GABRG3: variants seen among roughly 807,000 people sequenced by gnomAD.
GABRG3 encodes the protein gamma-aminobutyric acid receptor subunit gamma-3.
A neutral mutation model predicts 48.8 loss-of-function variants in GABRG3; 25 were observed. The ratio of observed to expected loss-of-function variants is 0.51; its 90% confidence interval spans 0.37 to 0.72. The LOEUF (loss-of-function observed/expected upper bound fraction) is 0.72, where lower values mean the gene tolerates loss of function less well. Ranked by LOEUF, GABRG3 falls within the 30% of genes least tolerant of loss-of-function variation. The probability of loss-of-function intolerance (pLI) is 0.00; values close to 1 mark genes in which losing one functional copy is unlikely to be tolerated. For synonymous variants in GABRG3, 227 were observed against 217.6 expected, an observed-to-expected ratio of 1.04 and a Z score of -0.38; for missense variants, 394 against 577.9, an observed-to-expected ratio of 0.68 and a Z score of 3.26.
intron 2 of GABRG3, among the ~76,000 whole-genome samples, chr15:26,981,898 G>A (rs1396128213): frequency 1.3e-5 from 2 of 152,226 alleles, no homozygotes; most frequent in Admixed American, 1.3e-4. Flanking sequence ...AGTAGCCATC[G>A]AATTTCAAAA....
intron 6 of GABRG3, 80 bp from the exon 7 acceptor site, chr15:27,519,892 C>A: frequency 9.8e-7 from 1 of 1,025,276 alleles, no homozygotes; most frequent in Non-Finnish European, 1.4e-6. Flanking sequence ...ATTCACTTAA[C>A]AAAATAAATT....
At chr15:27,071,678 A>G (rs1377947240) in intron 3 of GABRG3, among the ~76,000 whole-genome samples, 8 of 152,358 alleles carry the variant, frequency 5.3e-5, no homozygotes, top group Admixed American at 3.9e-4. Context: ...TCCCTCAGCG[A>G]TAAAGCAATA....
At chr15:27,485,944 C>T (rs1890209307) in intron 6 of GABRG3, among the ~76,000 whole-genome samples, 1 of 152,188 alleles carries the variant, frequency 6.6e-6, no homozygotes, top group Non-Finnish European at 1.5e-5. Flanking sequence ...ATGACATTTG[C>T]AGGTTAATCC....
chr15:27,538,993 C>A lies in GABRG3; in HGVS notation c.*6112C>A, dbSNP rs1891608266. The A allele has an allele frequency of 6.6e-6, 1 of 152,140 alleles. No homozygotes were observed. Among genetic ancestry groups the A allele is most frequent in the African/African-American group, 2.4e-5 (1 of 41,414 alleles). 9.4% of individuals were successfully genotyped at this position (152,140 alleles called of 1,614,324 possible). A position where few individuals can be genotyped will look rare whatever the true frequency, so the allele number is the denominator to read the frequency against. On this transcript the variant is annotated 3_prime_UTR_variant, in exon 10 of 10. Transcript: ENST00000615808. ...CTCAAAATGACAACATTGTCACTAACCACTTTTTAAAAAAGAACTGAAATT... is the reference window on the plus strand; with the variant it reads ...CTCAAAATGACAACATTGTCACTAAACACTTTTTAAAAAAGAACTGAAATT...
At chr15:27,501,266 T>A (rs1890631635) in intron 6 of GABRG3, among the ~76,000 whole-genome samples, 1 of 152,118 alleles carries the variant, frequency 6.6e-6, no homozygotes, top group Non-Finnish European at 1.5e-5. Context: ...AATGTATGTT[T>A]CTAAATGTTG....
intron 5 of GABRG3, among the ~76,000 whole-genome samples, chr15:27,421,215 C>A (rs1457092676): frequency 6.6e-6 from 1 of 152,168 alleles, no homozygotes; most frequent in Non-Finnish European, 1.5e-5. Context: ...AGAAAGAAGG[C>A]CCACACATTG....
At chr15:27,008,092 T>C (rs1030886328) in intron 2 of GABRG3, among the ~76,000 whole-genome samples, 2 of 152,234 alleles carry the variant, frequency 1.3e-5, no homozygotes, top group East Asian at 3.8e-4. Flanking sequence ...GAATTGAAAT[T>C]AGCCTTAAGT....
chr15:27,219,507 A>T (rs778290811), intron 3 of GABRG3, among the ~76,000 whole-genome samples: 4 of 152,188 alleles, frequency 2.6e-5, no homozygotes, highest in Non-Finnish European at 5.9e-5. Context: ...GGGGCAGCTC[A>T]GGGTGGGCAG....
intron 3 of GABRG3, among the ~76,000 whole-genome samples, chr15:27,140,991 G>A (rs1331501443): frequency 6.6e-6 from 1 of 152,112 alleles, no homozygotes; most frequent in Non-Finnish European, 1.5e-5. Flanking sequence ...GTCCAAAATT[G>A]TCAGCCTTTG....
intron 5 of GABRG3, among the ~76,000 whole-genome samples, chr15:27,465,046 G>A (rs1432452673): frequency 1.3e-5 from 2 of 152,164 alleles, no homozygotes; most frequent in East Asian, 3.9e-4. Flanking sequence ...GTAAACCTCA[G>A]AGGACTTAAG....
intron 6 of GABRG3, among the ~76,000 whole-genome samples, chr15:27,508,992 T>G (rs894948477): frequency 1.2e-4 from 19 of 152,186 alleles, no homozygotes; most frequent in African/African-American, 4.3e-4. Flanking sequence ...GTGCTGGGAT[T>G]ATAGGCTTGA....
chr15:27,280,456 C>T (rs1363625724), intron 3 of GABRG3: 1 of 152,082 alleles, frequency 6.6e-6, no homozygotes, highest in Non-Finnish European at 1.5e-5. Flanking sequence ...TTAGTGTGAA[C>T]ATTTTGTGCT....
intron 3 of GABRG3, among the ~76,000 whole-genome samples, chr15:27,066,638 A>G (rs1022228716): frequency 6.6e-6 from 1 of 152,050 alleles, no homozygotes; most frequent in South Asian, 2.1e-4. Flanking sequence ...GTCTGAGAGC[A>G]GGTATTACAG....
rs1037384892 is a variant in GABRG3, at chr15:27,352,387, C to T, written c.574+23499C>T. Among the ~76,000 whole-genome samples the T allele has an allele frequency of 5.3e-5, 8 of 151,938 alleles. No individual in the cohort carries two copies. Among genetic ancestry groups the T allele is most frequent in the African/African-American group, 1.7e-4 (7 of 41,310 alleles). On this transcript the variant is annotated intron_variant, in intron 5 of 9. Coordinates refer to ENST00000615808, the MANE Select transcript of GABRG3 (RefSeq NM_033223.5). The surrounding 1 kb of genome is among the most constrained non-coding windows in gnomAD (Gnocchi z 4.0). ...GGATCTCTGCCAATTTCTCTTATTCCGTTAGCTGAAGCTTAGAAAAATAAC... is the reference window on the plus strand; with the variant it reads ...GGATCTCTGCCAATTTCTCTTATTCTGTTAGCTGAAGCTTAGAAAAATAAC...
At chr15:27,107,972 A>G (rs1897481112) in intron 3 of GABRG3, among the ~76,000 whole-genome samples, 1 of 150,990 alleles carries the variant, frequency 6.6e-6, no homozygotes. Flanking sequence ...TCTTGGTTAA[A>G]CTTGCAAGAA....
At chr15:27,197,279 G>A (rs943114795) in intron 3 of GABRG3, among the ~76,000 whole-genome samples, 2 of 152,114 alleles carry the variant, frequency 1.3e-5, no homozygotes, top group Non-Finnish European at 2.9e-5. Context: ...ACCAAAGACT[G>A]AAATATACTT....
intron 3 of GABRG3, among the ~76,000 whole-genome samples, chr15:27,308,204 A>G (rs541992569): frequency 1.8e-5 from 1 of 56,208 alleles, no homozygotes; most frequent in African/African-American, 6.8e-5. Context: ...ACATGTTTAT[A>G]TATCCAAACA....
intron 3 of GABRG3, among the ~76,000 whole-genome samples, chr15:27,286,504 A>G (rs1027917131): frequency 6.6e-6 from 1 of 152,222 alleles, no homozygotes; most frequent in Non-Finnish European, 1.5e-5. Context: ...TGTGGAGAGA[A>G]AGCAACAATG....
chr15:27,027,226 G>A (rs903189907), intron 3 of GABRG3, among the ~76,000 whole-genome samples: 2 of 152,216 alleles, frequency 1.3e-5, no homozygotes, highest in Non-Finnish European at 2.9e-5. Context: ...TTCAGCTCAA[G>A]AACTATTGGA....
Sources: allele counts gnomAD v4.1 joint callset (sites outside exome capture counted in the v4.1 genomes callset), GRCh38; gene constraint gnomAD v4.1.1; non-coding constraint Gnocchi (gnomAD v3.1); transcripts MANE v1.5; gene names NCBI Gene and HGNC (gene_info 2026-07-23, HGNC 2026-07-21).